The following KIFAP3 variants were observed in gnomAD, a reference collection of about 807,000 sequenced individuals.
KIFAP3 encodes the protein kinesin-associated protein 3.
KIFAP3 carries 68 observed loss-of-function variants against 106.5 expected under a neutral mutation model. That is an observed-to-expected ratio of 0.64 (90% CI 0.53 to 0.78). The LOEUF (loss-of-function observed/expected upper bound fraction) is 0.78, where lower values mean the gene tolerates loss of function less well. Ranked by LOEUF, KIFAP3 falls within the 30% of genes least tolerant of loss-of-function variation. The pLI, the probability that KIFAP3 is intolerant of heterozygous loss-of-function variation, is 0.00. For missense variants in KIFAP3, 780 were observed against 941.8 expected, an observed-to-expected ratio of 0.83 and a Z score of 2.25; for synonymous variants, 320 against 311.5, an observed-to-expected ratio of 1.03 and a Z score of -0.29.
chr1:170,002,610 G>A (rs1053479628), intron 10 of KIFAP3, among the ~76,000 whole-genome samples: 1 of 152,106 alleles, frequency 6.6e-6, no homozygotes, highest in South Asian at 2.1e-4. Context: ...AAATTTAAAT[G>A]ATGGCTCAAA....
Position 170,038,355 on chromosome 1 carries a change from C to G in KIFAP3, c.452G>C (p.Arg151Pro). Residue 151 changes from arginine to proline, a missense_variant, in exon 5 of 20, where the codon CGG (arginine) becomes CCG (proline). Around this residue, in one of 3 missense-constraint regions of KIFAP3, gnomAD observed 588 missense variants for 678.9 expected, o/e 0.87. Coordinates refer to ENST00000361580, the MANE Select transcript of KIFAP3 (RefSeq NM_014970.4). ...LLYEDIPDKVRGSALILQLAR... is the reference protein window; with the variant it reads ...LLYEDIPDKVPGSALILQLAR... Reference sequence around the variant, plus strand: ...AAGCTGCAGGATCAAAGCAGAACCCCGAACTTTGTCAGGAATATCTTCATA... The same window carrying G: ...AAGCTGCAGGATCAAAGCAGAACCCGGAACTTTGTCAGGAATATCTTCATA... 6.2e-7 allele frequency: 1 copy of G among 1,609,548 alleles called. No homozygotes were observed. The highest frequency in any genetic ancestry group is 8.5e-7 in the Non-Finnish European group (1 of 1,179,092).
intron 1 of KIFAP3, among the ~76,000 whole-genome samples, chr1:170,063,131 T>C (rs1304266121): frequency 1.3e-5 from 2 of 152,198 alleles, no homozygotes; most frequent in Non-Finnish European, 2.9e-5. Context: ...ACCTAAATTC[T>C]GCTAAGCCAG....
chr1:169,990,044 A>G (rs1207076874), intron 11 of KIFAP3: 39 of 1,540,840 alleles, frequency 2.5e-5, no homozygotes, highest in Non-Finnish European at 3.1e-5. Flanking sequence ...ATGCTTTGTT[A>G]TCATAGTGAC....
chr1:170,046,647 G>C (rs1268789320), intron 3 of KIFAP3, 65 bp downstream of exon 3: 2 of 1,263,892 alleles, frequency 1.6e-6, no homozygotes, highest in Non-Finnish European at 2.1e-6. Context: ...TTTTATAGTT[G>C]CTTGATGAAC....
At chr1:170,084,444 A>G (rs1225754277) in intron 1 of KIFAP3, among the ~76,000 whole-genome samples, 1 of 152,238 alleles carries the variant, frequency 6.6e-6, no homozygotes, top group Non-Finnish European at 1.5e-5. Context: ...TTCAAGGAGC[A>G]CATGAACTAG....
chr1:169,971,520 C>G lies in KIFAP3; in HGVS notation c.1983+993G>C, dbSNP rs143111990. Among the ~76,000 whole-genome samples the G allele has an allele frequency of 5.0e-3, 762 of 151,858 alleles. 7 individuals carry two copies. The highest frequency in any genetic ancestry group is 7.8e-3 in the Non-Finnish European group (528 of 67,888). ...TCAACGTATCCATTTAGTTCTACAC[C>G]AGTAATGGATACTTAGTCAAATCCA... On this transcript the variant is annotated intron_variant, in intron 17 of 19. Transcript: ENST00000361580.
At chr1:169,967,969 T>A (rs938923438) in intron 17 of KIFAP3, among the ~76,000 whole-genome samples, 1 of 151,886 alleles carries the variant, frequency 6.6e-6, no homozygotes, top group African/African-American at 2.4e-5. Context: ...CTAAGGTATG[T>A]CATCAAAACC....
intron 1 of KIFAP3, among the ~76,000 whole-genome samples, chr1:170,081,913 A>G (rs1222587751): frequency 6.6e-6 from 1 of 152,194 alleles, no homozygotes; most frequent in East Asian, 1.9e-4. Context: ...ACCTACCACC[A>G]TAATGATTAA....
At chr1:170,003,912 G>C (rs1033531324) in intron 10 of KIFAP3, among the ~76,000 whole-genome samples, 9 of 152,160 alleles carry the variant, frequency 5.9e-5, no homozygotes, top group African/African-American at 1.7e-4. Context: ...AAAAGAGGAA[G>C]TCAAATTGTC....
chr1:169,983,411 T>G, intron 12 of KIFAP3, 29 bp from the exon 13 acceptor site: 1 of 1,444,010 alleles, frequency 6.9e-7, no homozygotes, highest in Non-Finnish European at 9.7e-7. Flanking sequence ...CCAATAAAAT[T>G]AAGGTTAGCT....
At chr1:170,060,848 A>G (rs1011546026) in intron 1 of KIFAP3, among the ~76,000 whole-genome samples, 5 of 152,230 alleles carry the variant, frequency 3.3e-5, no homozygotes, top group Non-Finnish European at 7.3e-5. Context: ...GCCCTCAGAA[A>G]TAATACCACA....
chr1:169,966,788 C>G (rs1222699534), intron 17 of KIFAP3, among the ~76,000 whole-genome samples: 1 of 151,708 alleles, frequency 6.6e-6, no homozygotes, highest in Non-Finnish European at 1.5e-5. Flanking sequence ...AGATATTGGA[C>G]TTGTGCCATA....
At chr1:170,026,922 A>G (rs192361259) in intron 8 of KIFAP3, among the ~76,000 whole-genome samples, 150 of 152,312 alleles carry the variant, frequency 9.8e-4, no homozygotes, top group African/African-American at 3.5e-3. Flanking sequence ...ACTGTTTCCA[A>G]GTAATTTAAC....
chr1:170,041,992 C>G (rs1209754779), intron 3 of KIFAP3: 1 of 324,860 alleles, frequency 3.1e-6, no homozygotes, highest in Non-Finnish European at 4.4e-6. Flanking sequence ...CTGTTCTTAT[C>G]TTGTCCTGTT....
chr1:169,996,951 A>G (rs1049322672), intron 10 of KIFAP3, among the ~76,000 whole-genome samples: 4 of 152,296 alleles, frequency 2.6e-5, no homozygotes, highest in Non-Finnish European at 4.4e-5. Flanking sequence ...AGCAGTTTTG[A>G]GGACTAGACC....
At chr1:169,931,108 T>C (rs1228817345) in intron 19 of KIFAP3, among the ~76,000 whole-genome samples, 3 of 151,872 alleles carry the variant, frequency 2.0e-5, no homozygotes, top group African/African-American at 7.3e-5. Context: ...TTAGTAGAGA[T>C]GGGGTTTTGC....
In KIFAP3 at chr1:170,034,410, T is replaced by C; in HGVS notation, c.704A>G (p.Glu235Gly). 6.2e-7 allele frequency: 1 copy of C among 1,606,980 alleles called. No individual in the cohort carries two copies. The highest frequency in any genetic ancestry group is 8.5e-7 in the Non-Finnish European group (1 of 1,176,484). The change falls in exon 7 of 20, where the codon GAG becomes GGG. Residue 235 changes from glutamate to glycine, a missense_variant. Physicochemically the swap from Glu to Gly is moderately conservative, Grantham distance 98. Coordinates refer to ENST00000361580, the MANE Select transcript of KIFAP3 (RefSeq NM_014970.4). ...CTTTGAGAGTTCTTCTTGCCAAAGC[T>C]CATGTCTTTTTAACTCATGATCAAT... The part of the protein sequence containing the change: ...NIIDHELKRH[E>G]LWQEELSKKK...
At chr1:169,936,887 A>G (rs1663835677) in intron 19 of KIFAP3, among the ~76,000 whole-genome samples, 1 of 150,944 alleles carries the variant, frequency 6.6e-6, no homozygotes, top group African/African-American at 2.4e-5. Context: ...ATAGACAAAT[A>G]TTATTTATTC....
At chr1:169,930,770 C>A (rs1406430956) in intron 19 of KIFAP3, among the ~76,000 whole-genome samples, 1 of 152,106 alleles carries the variant, frequency 6.6e-6, no homozygotes, top group Non-Finnish European at 1.5e-5. Flanking sequence ...TTGGGGTATT[C>A]CCTATCTTTC....
Sources: gnomAD v4.1 joint callset for allele counts (sites outside exome capture counted in the v4.1 genomes callset) on GRCh38, gnomAD v4.1.1 for gene constraint, gnomAD v4.1.1 regional missense constraint, MANE v1.5 for transcripts, NCBI Gene and HGNC (gene_info 2026-07-23, HGNC 2026-07-21) for gene names.